The following RBFOX1 variants were observed in gnomAD, a reference collection of about 807,000 sequenced individuals.
RBFOX1 encodes the protein RNA binding protein fox-1 homolog 1.
A neutral mutation model predicts 57.7 loss-of-function variants in RBFOX1; 8 were observed. The ratio of observed to expected loss-of-function variants is 0.14; its 90% CI spans 0.08 to 0.25. The LOEUF is 0.25. Ranked by LOEUF, RBFOX1 falls within the 10% of genes least tolerant of loss-of-function variation. The pLI, the probability that RBFOX1 is intolerant of heterozygous loss-of-function variation, is 1.00. For synonymous variants in RBFOX1, 326 were observed against 222.4 expected (o/e 1.47, Z -4.15); for missense variants, 611 against 548.5 (o/e 1.11, Z -1.14).
intron 3 of RBFOX1, among the ~76,000 whole-genome samples, chr16:5,722,322 T>A (rs189309345): frequency 6.6e-6 from 1 of 152,224 alleles, no homozygotes; most frequent in Non-Finnish European, 1.5e-5. Flanking sequence ...TGTTCCAGTA[T>A]GGTTTGAAGG....
intron 3 of RBFOX1, among the ~76,000 whole-genome samples, chr16:5,670,593 G>A (rs1185089471): frequency 2.0e-5 from 3 of 152,210 alleles, no homozygotes; most frequent in Non-Finnish European, 4.4e-5. Context: ...CTGTAAAAGA[G>A]ACAACTGTCA....
chr16:6,901,436 A>G (rs569598618), intron 3 of RBFOX1, among the ~76,000 whole-genome samples: 1 of 152,258 alleles, frequency 6.6e-6, no homozygotes. Flanking sequence ...AGAGTCCAAG[A>G]GGTCAAAGGG....
intron 2 of RBFOX1, among the ~76,000 whole-genome samples, chr16:6,623,788 G>T (rs1365567857): frequency 1.3e-5 from 2 of 152,032 alleles, no homozygotes; most frequent in African/African-American, 4.8e-5. Context: ...CCTTTTTTAT[G>T]GCTGCATAGT....
At position 6,097,603 on chromosome 16, in the gene RBFOX1, C is replaced by T. The variant is rs1211511340; in HGVS notation, c.-127+77611C>T. The stretch of plus-strand genomic sequence containing the variant: ...GACCTCACTTTCATTATTCTCATTT[C>T]ACAGATGAGAAAAATGAGTCAGTAG... On this transcript the variant is annotated intron_variant, in intron 1 of 15. Transcript: ENST00000550418. The surrounding 1 kb of genome is among the most constrained non-coding windows in gnomAD (Gnocchi z 5.0). Among the ~76,000 whole-genome samples the T allele has an allele frequency of 6.6e-6, 1 of 152,114 alleles. No individual in the cohort carries two copies.
chr16:5,517,265 G>C (rs1305908640), intron 2 of RBFOX1, among the ~76,000 whole-genome samples: 2 of 152,072 alleles, frequency 1.3e-5, no homozygotes, highest in Non-Finnish European at 2.9e-5. Flanking sequence ...GAAATCAGCA[G>C]AATTGCGCAG....
At chr16:5,658,339 C>G (rs1596623750) in intron 3 of RBFOX1, among the ~76,000 whole-genome samples, 1 of 152,256 alleles carries the variant, frequency 6.6e-6, no homozygotes, top group African/African-American at 2.4e-5. Context: ...AAGTTTGTAG[C>G]TGAAACAAGC....
At chr16:7,345,109 G>T (rs758476489) in intron 4 of RBFOX1, among the ~76,000 whole-genome samples, 4 of 152,166 alleles carry the variant, frequency 2.6e-5, no homozygotes, top group Non-Finnish European at 4.4e-5. Context: ...TTGGTTATCA[G>T]TGTTGAAACC....
intron 4 of RBFOX1, among the ~76,000 whole-genome samples, chr16:7,435,386 T>C (rs767643033): frequency 6.6e-6 from 1 of 152,038 alleles, no homozygotes; most frequent in African/African-American, 2.4e-5. Context: ...CAGTGGTACA[T>C]ATTATGAAAA....
chr16:6,317,018 A>G lies in RBFOX1; in HGVS notation c.-103A>G. 10 of 1,535,620 alleles carry G rather than the reference A, an allele frequency of 6.5e-6. No individual in the cohort carries two copies. Among genetic ancestry groups the G allele is most frequent in the Non-Finnish European group, 8.7e-6 (10 of 1,146,546 alleles). On this transcript the variant is annotated 5_prime_UTR_variant, in exon 2 of 16. Transcript: ENST00000550418. ...AGGAAACTGGTCAAAGAACTCATGC[A>G]AGTGGAACTTACAGCTTCCTTGATC...
At chr16:7,046,349 T>G (rs2047938814) in intron 3 of RBFOX1, among the ~76,000 whole-genome samples, 1 of 152,048 alleles carries the variant, frequency 6.6e-6, no homozygotes, top group Non-Finnish European at 1.5e-5. Context: ...ATAGGGATTA[T>G]CACACACATA....
intron 3 of RBFOX1, among the ~76,000 whole-genome samples, chr16:6,939,948 G>C (rs1325897863): frequency 6.6e-6 from 1 of 152,160 alleles, no homozygotes; most frequent in African/African-American, 2.4e-5. Context: ...TGATATAGCA[G>C]GAATGACATG....
intron 3 of RBFOX1, among the ~76,000 whole-genome samples, chr16:6,683,536 TTTG>T (rs2058981970): frequency 6.6e-6 from 1 of 152,192 alleles, no homozygotes; most frequent in South Asian, 2.1e-4. Flanking sequence ...GTATATAGCT[TTTG>T]TTTTGTTTTC....
chr16:6,676,730 C>T (rs1458014940), intron 3 of RBFOX1, among the ~76,000 whole-genome samples: 1 of 139,740 alleles, frequency 7.2e-6, no homozygotes, highest in African/African-American at 2.7e-5. Flanking sequence ...GGCTGGAGTG[C>T]CATGGTGCGA....
chr16:7,685,114 A>G (rs1346840046), intron 14 of RBFOX1, among the ~76,000 whole-genome samples: 1 of 152,070 alleles, frequency 6.6e-6, no homozygotes, highest in East Asian at 1.9e-4. Flanking sequence ...GTGCTGAACC[A>G]GAAGCTGCAC....
intron 3 of RBFOX1, among the ~76,000 whole-genome samples, chr16:6,672,761 A>C (rs2098774745): frequency 2.0e-5 from 3 of 152,144 alleles, no homozygotes; most frequent in Admixed American, 2.0e-4. Context: ...AGTGTTAGTC[A>C]TACCTTCTAC....
At chr16:6,919,235 A>G (rs1281565373) in intron 3 of RBFOX1, among the ~76,000 whole-genome samples, 1 of 151,980 alleles carries the variant, frequency 6.6e-6, no homozygotes, top group East Asian at 1.9e-4. Flanking sequence ...CGCCCGCCTC[A>G]GCTTCCCAAA....
chr16:7,053,210 G>A (rs1277679831), intron 4 of RBFOX1, among the ~76,000 whole-genome samples: 1 of 152,152 alleles, frequency 6.6e-6, no homozygotes, highest in African/African-American at 2.4e-5. Context: ...GAATCCAGGT[G>A]CATGAAACCG....
At chr16:7,460,505 CAT>C (rs1358569062) in intron 4 of RBFOX1, among the ~76,000 whole-genome samples, 7 of 141,438 alleles carry the variant, frequency 4.9e-5, no homozygotes, top group Non-Finnish European at 9.1e-5. Flanking sequence ...ATAATATATA[CAT>C]ATATATATCT....
chr16:5,937,227 G>T (rs761479520), intron 4 of RBFOX1, among the ~76,000 whole-genome samples: 63 of 152,178 alleles, frequency 4.1e-4, no homozygotes, highest in Non-Finnish European at 7.6e-4. Context: ...ACGAGAGATT[G>T]TGCAGCTTTT....
Sources: allele counts gnomAD v4.1 joint callset (sites outside exome capture counted in the v4.1 genomes callset), GRCh38; gene constraint gnomAD v4.1.1; non-coding constraint Gnocchi (gnomAD v3.1); transcripts MANE v1.5; gene names NCBI Gene and HGNC (gene_info 2026-07-23, HGNC 2026-07-21).